The following PKDCC variants were observed in gnomAD, a reference collection of about 807,000 sequenced individuals.
PKDCC encodes protein kinase domain containing, cytoplasmic.
A neutral mutation model predicts 44.7 loss-of-function variants in PKDCC; 35 were observed. That is an observed-to-expected ratio of 0.78 (90% CI 0.60 to 1.04). PKDCC has a LOEUF of 1.04. Among genes scored for constraint, PKDCC ranks in the 50% least tolerant of loss-of-function variants. The pLI is 0.00. For missense variants in PKDCC, 738 were observed against 672.7 expected, an observed-to-expected ratio of 1.10 and a Z score of -1.07; for synonymous variants, 353 against 303.3, an observed-to-expected ratio of 1.16 and a Z score of -1.70.
At chr2:42,056,815 T>C (rs1160646641) in intron 5 of PKDCC, among the ~76,000 whole-genome samples, 1 of 150,486 alleles carries the variant, frequency 6.6e-6, no homozygotes, top group East Asian at 1.9e-4. Context: ...TTAACAAGAG[T>C]CCTTGGTAAT....
rs576424915 is a variant in PKDCC, at chr2:42,058,332, G to C, written c.*644G>C. The C allele has an allele frequency of 6.6e-6, 1 of 152,570 alleles. No homozygotes were observed. Among genetic ancestry groups the C allele is most frequent in the African/African-American group, 2.4e-5 (1 of 41,408 alleles). The allele number at this position is 152,570 out of a possible 1,614,324, so 9.5% of individuals were successfully genotyped here. ...TGTGGTTTGAGCCAGGACCTGGGGC[G>C]GGGGTGGGGCCGGGGCCTTTCTGCC... On this transcript the variant is annotated 3_prime_UTR_variant, in exon 7 of 7. Transcript: ENST00000294964. This position sits in a 1 kb window ranked among gnomAD's most constrained non-coding sequence, Gnocchi z 4.2.
Position 42,054,044 on chromosome 2 carries a change from G to A in PKDCC, c.771G>A (p.Leu257=). The change falls in exon 3 of 7, where the codon CTG becomes CTA. Residue 257 remains leucine, a synonymous_variant. Transcript: ENST00000294964. This position sits in a 1 kb window ranked among gnomAD's most constrained non-coding sequence, Gnocchi z 6.1. ...TTTCTTGTGCCCCTCAGATCTGCCT[G>A]AGCCTGGGCCGCCTCCTCCACCACC... The part of the protein sequence containing the change: ...TSWEDRFRIC[L]SLGRLLHHLA... 6.2e-7 allele frequency: 1 copy of A among 1,611,432 alleles called. No homozygotes were observed. The highest frequency in any genetic ancestry group is 2.2e-5 in the East Asian group (1 of 44,858).
rs147555846 is a variant in PKDCC at position 42,048,818 on chromosome 2, C to T, written c.619C>T (p.Arg207Trp). The T allele has an allele frequency of 9.5e-6, 14 of 1,467,430 alleles. No homozygotes were observed. The highest frequency in any genetic ancestry group is 1.2e-5 in the Non-Finnish European group (13 of 1,100,476). The allele number at this position is 1,467,430 out of a possible 1,614,324, so 90.9% of individuals were successfully genotyped here. The change falls in exon 1 of 7, where the codon CGG (arginine) becomes TGG (tryptophan). Residue 207 changes from arginine to tryptophan, a missense_variant. Arg to Trp is a moderately radical substitution (Grantham distance 101, BLOSUM62 -3). Transcript: ENST00000294964. The surrounding 1 kb of genome is among the most constrained non-coding windows in gnomAD (Gnocchi z 6.2). ...LKEMVLLERLRHPNVLQLYGY... is the reference protein window; with the variant it reads ...LKEMVLLERLWHPNVLQLYGY... Reference sequence around the variant, plus strand: ...GGAGATGGTGCTGCTGGAGCGGCTGCGGCACCCCAACGTGCTGCAGGTACG... The same window carrying T: ...GGAGATGGTGCTGCTGGAGCGGCTGTGGCACCCCAACGTGCTGCAGGTACG...
In PKDCC at chr2:42,048,158, C is replaced by A; in HGVS notation, c.-42C>A. 1 of 914,662 alleles carries A rather than the reference C, an allele frequency of 1.1e-6. No individual in the cohort carries two copies. The highest frequency in any genetic ancestry group is 1.2e-6 in the Non-Finnish European group (1 of 807,486). The allele number at this position is 914,662 out of a possible 1,614,324, so 56.7% of individuals were successfully genotyped here. A position where few individuals can be genotyped will look rare whatever the true frequency, so the allele number is the denominator to read the frequency against. On this transcript the variant is annotated 5_prime_UTR_variant, in exon 1 of 7. Transcript: ENST00000294964. The surrounding 1 kb of genome is among the most constrained non-coding windows in gnomAD (Gnocchi z 6.2). The stretch of plus-strand genomic sequence containing the variant: ...AGCCTGAGCCGCCCGGGGCCGGGGC[C>A]GGGGAGCCGCGCGGGGCCGGCCGGC...
chr2:42,057,456 T>A, intron 6 of PKDCC, 62 bp downstream of exon 6: 2 of 1,601,642 alleles, frequency 1.2e-6, no homozygotes, highest in Non-Finnish European at 1.7e-6. Flanking sequence ...GGTTGATAGA[T>A]AGTGATCCCC....
intron 1 of PKDCC, 81 bp from the exon 2 acceptor site, chr2:42,053,158 G>C (rs189276164): frequency 2.8e-6 from 4 of 1,438,162 alleles, no homozygotes; most frequent in Non-Finnish European, 9.4e-7. Flanking sequence ...GGAGGAGAGA[G>C]AGGGGGAACC....
chr2:42,056,028 T>A (rs1320684230), intron 5 of PKDCC, among the ~76,000 whole-genome samples: 1 of 152,188 alleles, frequency 6.6e-6, no homozygotes, highest in Non-Finnish European at 1.5e-5. Flanking sequence ...AGGTTTCATA[T>A]TCAAGGAGTT....
chr2:42,054,457 C>A lies in PKDCC; in HGVS notation c.1034+150C>A. 2 of 939,088 alleles carry A rather than the reference C, an allele frequency of 2.1e-6. No individual in the cohort carries two copies. Among genetic ancestry groups the A allele is most frequent in the African/African-American group, 3.3e-5 (2 of 59,924 alleles). 58.2% of individuals were successfully genotyped at this position (939,088 alleles called of 1,614,324 possible). ...GGCTTCTACCCTGTCCAGAAGGGAA[C>A]ATTCAGGCCTCTGATGGAGAGGCTA... On this transcript the variant is annotated intron_variant, in intron 3 of 6. Coordinates refer to ENST00000294964, the MANE Select transcript of PKDCC (RefSeq NM_138370.3). The surrounding 1 kb of genome is among the most constrained non-coding windows in gnomAD (Gnocchi z 6.1).
chr2:42,050,141 G>C (rs1261083196), intron 1 of PKDCC, among the ~76,000 whole-genome samples: 1 of 152,156 alleles, frequency 6.6e-6, no homozygotes, highest in African/African-American at 2.4e-5. Context: ...AGACACTTGT[G>C]ACCGGGCCCT....
intron 1 of PKDCC, 49 bp from the exon 2 acceptor site, chr2:42,053,190 T>TCCC: frequency 1.8e-5 from 22 of 1,200,006 alleles, no homozygotes; most frequent in South Asian, 5.4e-5. Context: ...CCCTTCCCTG[T>TCCC]CCCCACCCCC....
rs1221615225 is a variant in PKDCC at position 42,048,846 on chromosome 2, G to A, written c.639+8G>A. ...CACCCCAACGTGCTGCAGGTACGAG[G>A]GTGGGGACGCGGGGGTAACGGTGTT... On this transcript the variant is annotated splice_region_variant and intron_variant, in intron 1 of 6. Transcript: ENST00000294964. This position sits in a 1 kb window ranked among gnomAD's most constrained non-coding sequence, Gnocchi z 6.2. 1 of 1,456,456 alleles carries A rather than the reference G, an allele frequency of 6.9e-7. No homozygotes were observed. Among genetic ancestry groups the A allele is most frequent in the Non-Finnish European group, 9.1e-7 (1 of 1,097,920 alleles). The allele number at this position is 1,456,456 out of a possible 1,614,324, so 90.2% of individuals were successfully genotyped here. A position where few individuals can be genotyped will look rare whatever the true frequency, so the allele number is the denominator to read the frequency against.
rs1171906463 is a variant in PKDCC, at chr2:42,055,308, C to T, written c.1137C>T (p.Asp379=). 3.7e-6 allele frequency: 6 copies of T among 1,613,366 alleles called. No individual in the cohort carries two copies. Among genetic ancestry groups the T allele is most frequent in the Admixed American group, 3.3e-5 (2 of 59,984 alleles). ...CAGGAGAGCTCGCCTGGGGGGTGGA[C>T]GAGACCCTGGCCCAGCTGGAGAAGG... ...NATGELAWGV[D]ETLAQLEKVL... The change falls in exon 5 of 7, where the codon GAC becomes GAT. Residue 379 remains aspartate (D), a synonymous_variant. Coordinates refer to ENST00000294964, the MANE Select transcript of PKDCC (RefSeq NM_138370.3). The surrounding 1 kb of genome is among the most constrained non-coding windows in gnomAD (Gnocchi z 4.5).
At position 42,055,454 on chromosome 2, in the gene PKDCC, C is replaced by T. The variant is rs1381927371; in HGVS notation, c.1222+61C>T. The T allele has an allele frequency of 1.3e-5, 20 of 1,483,266 alleles. No individual in the cohort carries two copies. Among genetic ancestry groups the T allele is most frequent in the South Asian group, 8.4e-5 (7 of 83,070 alleles). 91.9% of individuals were successfully genotyped at this position (1,483,266 alleles called of 1,614,324 possible). On this transcript the variant is annotated intron_variant, in intron 5 of 6. Transcript: ENST00000294964. The surrounding 1 kb of genome is among the most constrained non-coding windows in gnomAD (Gnocchi z 4.5). ...AAACAGGTGGGAGGGTGAATGACCC[C>T]GCCCAATTAGGCTAAGTGGCTCACC... is the stretch of plus-strand genomic sequence containing the variant.
chr2:42,057,266 G>C lies in PKDCC; in HGVS notation c.1268G>C (p.Arg423Pro). The change falls in exon 6 of 7, where the codon CGC (arginine) becomes CCC (proline). Residue 423 changes from arginine (R) to proline (P), a missense_variant. Arg to Pro is a moderately radical substitution (Grantham distance 103). Coordinates refer to ENST00000294964, the MANE Select transcript of PKDCC (RefSeq NM_138370.3). ...PDSTIPQEDY[R>P]CWPSYHHGSC... ...AGCACCATCCCCCAGGAAGACTACC[G>C]CTGCTGGCCATCCTACCACCACGGG... 1 of 1,614,166 alleles carries C rather than the reference G, an allele frequency of 6.2e-7. No individual in the cohort carries two copies. The highest frequency in any genetic ancestry group is 1.1e-5 in the South Asian group (1 of 91,074).
chr2:42,057,984 G>A lies in PKDCC; in HGVS notation c.*296G>A. 1 of 442,860 alleles carries A rather than the reference G, an allele frequency of 2.3e-6. No homozygotes were observed. 27.4% of individuals were successfully genotyped at this position (442,860 alleles called of 1,614,324 possible). ...GCTCAGGCTAGTCTCCCCACTGGGG[G>A]CTGTGCCCCTCCCTGGGACGGTTCC... On this transcript the variant is annotated 3_prime_UTR_variant, in exon 7 of 7. Coordinates refer to ENST00000294964, the MANE Select transcript of PKDCC (RefSeq NM_138370.3).
chr2:42,049,109 T>G (rs1572759314), intron 1 of PKDCC, among the ~76,000 whole-genome samples: 1 of 151,784 alleles, frequency 6.6e-6, no homozygotes, highest in Non-Finnish European at 1.5e-5. Context: ...ACTCAGGGGG[T>G]GGGGCAGTCC....
chr2:42,056,920 C>T (rs150879016), intron 5 of PKDCC, among the ~76,000 whole-genome samples: 1 of 152,244 alleles, frequency 6.6e-6, no homozygotes, highest in African/African-American at 2.4e-5. Context: ...TCCATGTGTC[C>T]CTGTATATGT....
rs757076747 is a variant in PKDCC, at chr2:42,055,731, A to G, written c.1222+338A>G. On this transcript the variant is annotated intron_variant, in intron 5 of 6. Coordinates refer to ENST00000294964, the MANE Select transcript of PKDCC (RefSeq NM_138370.3). This position sits in a 1 kb window ranked among gnomAD's most constrained non-coding sequence, Gnocchi z 4.5. Reference sequence around the variant, plus strand: ...TCCTCATCTGTGAATTGGGTTCACTATTACCCACCTCACCAAATTCTTATG... The same window carrying G: ...TCCTCATCTGTGAATTGGGTTCACTGTTACCCACCTCACCAAATTCTTATG... The G allele has an allele frequency of 1.7e-4, 39 of 232,820 alleles. No homozygotes were observed. The highest frequency in any genetic ancestry group is 1.8e-4 in the Non-Finnish European group (22 of 119,366). 14.4% of individuals were successfully genotyped at this position (232,820 alleles called of 1,614,324 possible). A position where few individuals can be genotyped will look rare whatever the true frequency, so the allele number is the denominator to read the frequency against.
In PKDCC at chr2:42,048,896, C is replaced by T; in HGVS notation, c.639+58C>T. The T allele has an allele frequency of 7.2e-7, 1 of 1,393,834 alleles. No individual in the cohort carries two copies. The highest frequency in any genetic ancestry group is 9.4e-7 in the Non-Finnish European group (1 of 1,068,856). 86.3% of individuals were successfully genotyped at this position (1,393,834 alleles called of 1,614,324 possible). A position where few individuals can be genotyped will look rare whatever the true frequency, so the allele number is the denominator to read the frequency against. ...TGGCTGGGAGTGCCCAAGACCTTGT[C>T]AACCTGGCTGGAAGAGAACCCCTTG... On this transcript the variant is annotated intron_variant, in intron 1 of 6. Transcript: ENST00000294964. The surrounding 1 kb of genome is among the most constrained non-coding windows in gnomAD (Gnocchi z 6.2).
Sources: allele counts gnomAD v4.1 joint callset (sites outside exome capture counted in the v4.1 genomes callset), GRCh38; gene constraint gnomAD v4.1.1; non-coding constraint Gnocchi (gnomAD v3.1); transcripts MANE v1.5; gene names NCBI Gene and HGNC (gene_info 2026-07-23, HGNC 2026-07-21).